CEP192: variants seen among roughly 807,000 people sequenced by gnomAD.
CEP192 encodes centrosomal protein 192.
A neutral mutation model predicts 271.8 loss-of-function variants in CEP192; 151 were observed. The ratio of observed to expected loss-of-function variants is 0.56; its 90% CI spans 0.49 to 0.64. The LOEUF (loss-of-function observed/expected upper bound fraction) is 0.64. Ranked by LOEUF, CEP192 falls within the 30% of genes least tolerant of loss-of-function variation. The probability of loss-of-function intolerance (pLI) is 0.00; values close to 1 mark genes in which losing one functional copy is unlikely to be tolerated. For synonymous variants in CEP192, 995 were observed against 1,076.5 expected (o/e 0.92, Z 1.48); for missense variants, 2,910 against 3,020.5 (o/e 0.96, Z 0.86).
At chr18:13,037,975 G>C (rs182129066) in intron 12 of CEP192, among the ~76,000 whole-genome samples, 1 of 152,202 alleles carries the variant, frequency 6.6e-6, no homozygotes, top group East Asian at 1.9e-4. Context: ...ATTTATGATA[G>C]TGTTTAATGA....
At chr18:13,044,100 A>G (rs751022269) in intron 15 of CEP192, among the ~76,000 whole-genome samples, 94 of 152,252 alleles carry the variant, frequency 6.2e-4, no homozygotes, top group Middle Eastern at 3.4e-3. Flanking sequence ...TATGTTTCTT[A>G]ACTTTATTTT....
In CEP192 at chr18:13,092,440, T is replaced by C; in HGVS notation, c.6167T>C (p.Ile2056Thr). Reference sequence around the variant, plus strand: ...TTTTATGGAAGCATGTGTAAAATTATACTTTCAGTAATTGGAGAATTCAGA... The same window carrying C: ...TTTTATGGAAGCATGTGTAAAATTACACTTTCAGTAATTGGAGAATTCAGA... ...QLFYGSMCKIILSVIGEFRDC... is the reference protein window; with the variant it reads ...QLFYGSMCKITLSVIGEFRDC... The change falls in exon 34 of 45, where the codon ATA becomes ACA. Residue 2056 changes from isoleucine (I) to threonine (T), a missense_variant. By Grantham distance (89) the Ile-to-Thr change is moderately conservative. Transcript: ENST00000506447. 5 of 1,605,782 alleles carry C rather than the reference T, an allele frequency of 3.1e-6. No homozygotes were observed. The highest frequency in any genetic ancestry group is 4.3e-6 in the Non-Finnish European group (5 of 1,173,426).
At chr18:13,032,055 C>A (rs2143595406) in intron 11 of CEP192, among the ~76,000 whole-genome samples, 1 of 152,232 alleles carries the variant, frequency 6.6e-6, no homozygotes, top group African/African-American at 2.4e-5. Flanking sequence ...TTTTGACCAC[C>A]ATGCCCAAGA....
At chr18:13,107,532 A>G (rs1322170242) in intron 40 of CEP192, among the ~76,000 whole-genome samples, 4 of 152,212 alleles carry the variant, frequency 2.6e-5, no homozygotes, top group African/African-American at 4.8e-5. Flanking sequence ...CCAAACTATC[A>G]GTTCCTAAAA....
chr18:13,095,024 T>C (rs949591293), intron 34 of CEP192, among the ~76,000 whole-genome samples: 6 of 152,192 alleles, frequency 3.9e-5, no homozygotes, highest in African/African-American at 1.4e-4. Flanking sequence ...CCCACCCCTG[T>C]CACCCCTATA....
At chr18:13,088,737 G>A (rs2039008307) in intron 32 of CEP192, 1 of 238,284 alleles carries the variant, frequency 4.2e-6, no homozygotes, top group African/African-American at 2.2e-5. Flanking sequence ...AAATTGTTTT[G>A]TTTTTAATTT....
intron 11 of CEP192, 144 bp from the exon 12 acceptor site, chr18:13,037,093 C>T: frequency 1.8e-6 from 1 of 543,210 alleles, no homozygotes; most frequent in Non-Finnish European, 3.3e-6. Context: ...GCATTTAATA[C>T]AGATGCATGA....
intron 9 of CEP192, among the ~76,000 whole-genome samples, chr18:13,027,445 G>C (rs926385921): frequency 1.3e-5 from 2 of 152,092 alleles, no homozygotes; most frequent in African/African-American, 2.4e-5. Context: ...TCCACACTGA[G>C]CCTGCAGCAA....
At chr18:13,092,669 G>A in intron 34 of CEP192, 142 bp downstream of exon 34, 1 of 681,394 alleles carries the variant, frequency 1.5e-6, no homozygotes, top group Non-Finnish European at 2.4e-6. Context: ...AATTTAAGTT[G>A]AAATAATTTC....
intron 9 of CEP192, among the ~76,000 whole-genome samples, chr18:13,020,211 C>T (rs571343211): frequency 6.6e-6 from 1 of 152,270 alleles, no homozygotes; most frequent in East Asian, 1.9e-4. Context: ...ACAAACTCTA[C>T]CCATTAAACA....
intron 39 of CEP192, among the ~76,000 whole-genome samples, 161 bp from the exon 40 acceptor site, chr18:13,104,822 GC>G (rs1419449609): frequency 2.6e-5 from 4 of 152,254 alleles, no homozygotes; most frequent in African/African-American, 9.6e-5. Context: ...CTTCTGCAGA[GC>G]TCAGTCAGGT....
chr18:13,034,044 G>A (rs537945127), intron 11 of CEP192, among the ~76,000 whole-genome samples: 2 of 152,300 alleles, frequency 1.3e-5, no homozygotes, highest in South Asian at 4.1e-4. Context: ...ATATACCCTT[G>A]TAAGTCTTTG....
Position 13,095,426 on chromosome 18 carries a change from A to G in CEP192, c.6255-77A>G, listed in dbSNP as rs1326446262. The G allele has an allele frequency of 7.8e-6, 8 of 1,028,066 alleles. No homozygotes were observed. The African/African-American group carries it at 8.0e-5, about 10-fold the overall frequency. 63.7% of individuals were successfully genotyped at this position (1,028,066 alleles called of 1,614,324 possible). A position where few individuals can be genotyped will look rare whatever the true frequency, so the allele number is the denominator to read the frequency against. ...GAAGAATATAAAAATATGTGATACA[A>G]TCTGGCCTTTTATCATTTTTAACTT... is the stretch of plus-strand genomic sequence containing the variant. On this transcript the variant is annotated intron_variant, in intron 34 of 44. Coordinates refer to ENST00000506447, the MANE Select transcript of CEP192 (RefSeq NM_032142.4).
intron 4 of CEP192, among the ~76,000 whole-genome samples, chr18:13,011,654 T>C (rs994193447): frequency 6.6e-6 from 1 of 152,124 alleles, no homozygotes; most frequent in African/African-American, 2.4e-5. Flanking sequence ...GTAGCTGGGA[T>C]TACAGGCATG....
chr18:13,089,536 C>G lies in CEP192; in HGVS notation c.6074C>G (p.Ala2025Gly). ...SVLQNINFVE[A>G]FQDELLVTEV... is the part of the protein sequence containing the mutation. ...CTTCAAAACATTAATTTTGTTGAAG[C>G]ATTTCAAGATGAGCTATTAGTAACT... The change falls in exon 33 of 45, where the codon GCA becomes GGA. Residue 2025 changes from alanine (A) to glycine (G), a missense_variant. By Grantham distance (60) the Ala-to-Gly change is moderately conservative. Transcript: ENST00000506447. The G allele has an allele frequency of 1.3e-6, 2 of 1,589,420 alleles. No homozygotes were observed. Among genetic ancestry groups the G allele is most frequent in the South Asian group, 2.2e-5 (2 of 89,536 alleles).
intron 9 of CEP192, among the ~76,000 whole-genome samples, chr18:13,021,464 G>A (rs915068610): frequency 1.1e-4 from 16 of 152,122 alleles, no homozygotes; most frequent in African/African-American, 3.4e-4. Flanking sequence ...TAGCCCATTG[G>A]TCTATTTGTC....
chr18:13,105,124 C>A (rs776331310), intron 40 of CEP192, 45 bp downstream of exon 40: 1 of 1,318,854 alleles, frequency 7.6e-7, no homozygotes, highest in South Asian at 1.2e-5. Flanking sequence ...TGTAAATTGT[C>A]CAGGAGTGCC....
intron 30 of CEP192, 29 bp downstream of exon 30, chr18:13,073,214 C>T (rs374935988): frequency 3.8e-6 from 6 of 1,560,040 alleles, no homozygotes; most frequent in Non-Finnish European, 5.2e-6. Context: ...CTTTCCCTTC[C>T]CCTGGAGTTT....
At chr18:12,997,429 AT>A (rs1376916542) in intron 1 of CEP192, among the ~76,000 whole-genome samples, 1 of 152,210 alleles carries the variant, frequency 6.6e-6, no homozygotes, top group Non-Finnish European at 1.5e-5. Context: ...CAATTATTCA[AT>A]TAATTGAGAC....
Sources: gnomAD v4.1 joint callset for allele counts (sites outside exome capture counted in the v4.1 genomes callset) on GRCh38, gnomAD v4.1.1 for gene constraint, MANE v1.5 for transcripts, NCBI Gene and HGNC (gene_info 2026-07-23, HGNC 2026-07-21) for gene names.